Variants in HSP90AA1 observed in about 807,000 individuals in gnomAD.
HSP90AA1 encodes heat shock protein HSP 90-alpha.
A neutral mutation model predicts 73.3 loss-of-function variants in HSP90AA1; 18 were observed. The observed-to-expected ratio is 0.25, with a 90% CI of 0.17 to 0.36. The LOEUF (loss-of-function observed/expected upper bound fraction) is 0.36. Ranked by LOEUF, HSP90AA1 falls within the 10% of genes least tolerant of loss-of-function variation. HSP90AA1 has a pLI of 1.00. For missense variants in HSP90AA1, 704 were observed against 874.2 expected, an observed-to-expected ratio of 0.81 and a Z score of 2.45; for synonymous variants, 477 against 296.9, an observed-to-expected ratio of 1.61 and a Z score of -6.24.
At chr14:102,128,200 A>G (rs988658584) in intron 1 of HSP90AA1, among the ~76,000 whole-genome samples, 1 of 152,046 alleles carries the variant, frequency 6.6e-6, no homozygotes, top group African/African-American at 2.4e-5. Context: ...TGATCTTGAA[A>G]AGAAGAGGTG....
intron 2 of HSP90AA1, among the ~76,000 whole-genome samples, chr14:102,098,724 AG>A (rs1278965100): frequency 6.6e-6 from 1 of 150,570 alleles, no homozygotes; most frequent in African/African-American, 2.5e-5. Flanking sequence ...GGTCCCCCAA[AG>A]TGCTCTGTCG....
Position 102,129,114 on chromosome 14 carries a change from T to TA in HSP90AA1, c.155+10135dup, listed in dbSNP as rs547165606. ...TGAAAAATAAATTGAGCACTATAGA[T>TA]AGAGTGGCTCTAGTTTTGATTTTTT... is the stretch of plus-strand genomic sequence containing the variant. On this transcript the variant is annotated intron_variant, in intron 1 of 11. Coordinates refer to the HSP90AA1 transcript ENST00000334701. Among the ~76,000 whole-genome samples the TA allele has an allele frequency of 6.2e-4, 94 of 150,542 alleles. 1 individual carries two copies. The highest frequency in any genetic ancestry group is 2.2e-3 in the African/African-American group (90 of 41,118).
At chr14:102,083,746 A>AAC (rs1194574592) in intron 7 of HSP90AA1, 47 bp downstream of exon 7, 1 of 1,596,926 alleles carries the variant, frequency 6.3e-7, no homozygotes, top group African/African-American at 1.4e-5. Context: ...AAAAAAAAAA[A>AAC]AAAACTAAAG....
exon 1 of HSP90AA1, chr14:102,139,532 C>G: frequency 2.1e-6 from 2 of 973,736 alleles, no homozygotes; most frequent in Non-Finnish European, 3.0e-6. Context: ...AGGAGGCACC[C>G]TCAAGTTCAC....
intron 1 of HSP90AA1, among the ~76,000 whole-genome samples, chr14:102,132,611 T>C (rs1323019679): frequency 6.6e-6 from 1 of 152,088 alleles, no homozygotes; most frequent in African/African-American, 2.4e-5. Flanking sequence ...ATTCCTACGC[T>C]TAAGTGTGCA....
chr14:102,099,125 A>G (rs2049462202), intron 2 of HSP90AA1, among the ~76,000 whole-genome samples: 1 of 152,256 alleles, frequency 6.6e-6, no homozygotes, highest in African/African-American at 2.4e-5. Flanking sequence ...TCATACTTCG[A>G]GTGGCTAAGG....
At chr14:102,113,354 CTCTT>C (rs768850420) in intron 1 of HSP90AA1, among the ~76,000 whole-genome samples, 29 of 149,438 alleles carry the variant, frequency 1.9e-4, no homozygotes, top group East Asian at 1.0e-3. Flanking sequence ...CTCTCTCTCT[CTCTT>C]TCTTTCTTTA....
intron 2 of HSP90AA1, among the ~76,000 whole-genome samples, chr14:102,095,486 A>T (rs1451892504): frequency 6.6e-6 from 1 of 152,180 alleles, no homozygotes; most frequent in Non-Finnish European, 1.5e-5. Context: ...AGCCCCTCTG[A>T]GTAAAGCACA....
intron 1 of HSP90AA1, among the ~76,000 whole-genome samples, chr14:102,110,402 TTTTGTTTGTTTG>T (rs144443471): frequency 0.031 from 4,710 of 149,626 alleles, 141 homozygotes; most frequent in African/African-American, 0.082. Context: ...AGGCATTCAG[TTTTGTTTGTTTG>T]TTTGTTTGTT....
intron 6 of HSP90AA1, 200 bp downstream of exon 6, chr14:102,084,199 A>ACTAC (rs2049166704): frequency 1.5e-6 from 1 of 675,368 alleles, no homozygotes; most frequent in African/African-American, 1.8e-5. Flanking sequence ...TCAGCCTGCC[A>ACTAC]CTACATGGGG....
At chr14:102,108,263 CAAA>C (rs34157305) in intron 1 of HSP90AA1, among the ~76,000 whole-genome samples, 2 of 79,882 alleles carry the variant, frequency 2.5e-5, no homozygotes, top group African/African-American at 5.2e-5. Context: ...ACCTTGTCTC[CAAA>C]AAAAAAAAAA....
intron 1 of HSP90AA1, among the ~76,000 whole-genome samples, chr14:102,132,086 T>C (rs1054816673): frequency 6.6e-6 from 1 of 152,012 alleles, no homozygotes; most frequent in African/African-American, 2.4e-5. Flanking sequence ...AATTTAAAAA[T>C]GGCCGGGTAT....
exon 1 of HSP90AA1, chr14:102,139,651 C>G: frequency 1.5e-6 from 1 of 647,002 alleles, no homozygotes. Flanking sequence ...GCCGGCATCA[C>G]CTGGGAAGCA....
chr14:102,088,536 G>A (rs1206460609), upstream of HSP90AA1, among the ~76,000 whole-genome samples: 1 of 152,254 alleles, frequency 6.6e-6, no homozygotes, highest in African/African-American at 2.4e-5. Flanking sequence ...CAAAGCGGGG[G>A]AAGTGGAAGG....
intron 1 of HSP90AA1, among the ~76,000 whole-genome samples, chr14:102,110,444 G>A (rs1191561965): frequency 1.3e-5 from 2 of 151,812 alleles, no homozygotes; most frequent in Admixed American, 1.3e-4. Flanking sequence ...GTTTTTGAGA[G>A]AGTTTCACTC....
chr14:102,101,626 T>C (rs1218841865), intron 2 of HSP90AA1, among the ~76,000 whole-genome samples: 1 of 152,256 alleles, frequency 6.6e-6, no homozygotes, highest in Non-Finnish European at 1.5e-5. Context: ...ATATATGCGC[T>C]ATAGCCCTGT....
intron 1 of HSP90AA1, among the ~76,000 whole-genome samples, chr14:102,128,816 AAAG>A (rs777519682): frequency 2.0e-5 from 3 of 149,924 alleles, no homozygotes; most frequent in Non-Finnish European, 2.9e-5. Context: ...AAAAGAAAGA[AAAG>A]AAGAGAAGAG....
At chr14:102,098,006 T>C (rs978876249) in intron 2 of HSP90AA1, among the ~76,000 whole-genome samples, 8 of 152,058 alleles carry the variant, frequency 5.3e-5, no homozygotes, top group African/African-American at 1.9e-4. Flanking sequence ...CCCTGGAAAA[T>C]GGCCACTCCT....
intron 1 of HSP90AA1, among the ~76,000 whole-genome samples, chr14:102,112,720 A>C (rs188464450): frequency 6.6e-6 from 1 of 152,186 alleles, no homozygotes; most frequent in Non-Finnish European, 1.5e-5. Flanking sequence ...GCCTCAAGGC[A>C]TCCTCCTGGC....
Sources: gnomAD v4.1 joint callset for allele counts (sites outside exome capture counted in the v4.1 genomes callset) on GRCh38, gnomAD v4.1.1 for gene constraint, MANE v1.5 for transcripts, NCBI Gene and HGNC (gene_info 2026-07-23, HGNC 2026-07-21) for gene names.